The following TBL1Y variants were observed in gnomAD, a reference collection of about 807,000 sequenced individuals.
TBL1Y encodes the protein transducin beta like 1 Y-linked, also known as F-box-like/WD repeat-containing protein TBL1Y.
In TBL1Y, 15 loss-of-function variants were observed where a neutral mutation model predicts 12.0. The ratio of observed to expected loss-of-function variants is 1.25; its 90% CI spans 0.83 to 1.92. The LOEUF (loss-of-function observed/expected upper bound fraction) is 1.92. Among genes scored for constraint, TBL1Y ranks in the 40% most tolerant of loss-of-function variants. The pLI, the probability that TBL1Y is intolerant of heterozygous loss-of-function variation, is 0.00. For synonymous variants in TBL1Y, 53 were observed against 42.6 expected, an observed-to-expected ratio of 1.24 and a Z score of -0.95; for missense variants, 148 against 116.7, an observed-to-expected ratio of 1.27 and a Z score of -1.24.
intron 2 of TBL1Y, among the ~76,000 whole-genome samples, chrY:6,930,837 T>A: frequency 9.1e-5 from 3 of 33,127 alleles, no homozygotes; most frequent in African/African-American, 2.4e-4. Context: ...CAGGTCCCCT[T>A]CCATGCTGTG....
intron 2 of TBL1Y, among the ~76,000 whole-genome samples, chrY:6,937,035 C>T: frequency 3.0e-5 from 1 of 33,058 alleles, no homozygotes; most frequent in Non-Finnish European, 7.4e-5. Flanking sequence ...CCATCTAATT[C>T]TCACACATTT....
intron 6 of TBL1Y, among the ~76,000 whole-genome samples, chrY:7,034,726 C>T (rs957222889): frequency 1.5e-4 from 5 of 33,634 alleles, no homozygotes; most frequent in African/African-American, 4.6e-4. Context: ...AAAATATTCT[C>T]TATTTAATAA....
intron 3 of TBL1Y, among the ~76,000 whole-genome samples, chrY:6,986,671 C>T: frequency 3.4e-5 from 1 of 29,480 alleles, no homozygotes; most frequent in Non-Finnish European, 8.0e-5. Flanking sequence ...TCCTGACGTC[C>T]ATAGGATGGG....
At chrY:6,954,149 C>T (rs2012052164) in intron 2 of TBL1Y, among the ~76,000 whole-genome samples, 2 of 34,052 alleles carry the variant, frequency 5.9e-5, no homozygotes, top group African/African-American at 2.3e-4. Context: ...GCAGTCTGTC[C>T]GTTCTCAGAT....
chrY:7,030,737 T>G, intron 6 of TBL1Y, among the ~76,000 whole-genome samples: 1 of 33,330 alleles, frequency 3.0e-5, no homozygotes, highest in Non-Finnish European at 7.4e-5. Context: ...AGAGACAGGC[T>G]AGATAGATTA....
At chrY:6,919,084 C>T in intron 2 of TBL1Y, 3 of 32,061 alleles carry the variant, frequency 9.4e-5, no homozygotes, top group Non-Finnish European at 1.5e-4. Flanking sequence ...GGGGTTTCAC[C>T]GTGTTGGTCA....
At chrY:7,000,377 G>A (rs781669202) in intron 4 of TBL1Y, among the ~76,000 whole-genome samples, 33 of 33,222 alleles carry the variant, frequency 9.9e-4, no homozygotes, top group African/African-American at 3.6e-3. Context: ...AAGGACAGTC[G>A]AATTCGATCT....
At chrY:6,914,073 AC>A (rs2011716863) in intron 2 of TBL1Y, among the ~76,000 whole-genome samples, 8 of 33,395 alleles carry the variant, frequency 2.4e-4, no homozygotes, top group African/African-American at 4.6e-4. Context: ...GGAGTATGTT[AC>A]TTTGTAGTTA....
At chrY:6,944,813 G>C in intron 2 of TBL1Y, among the ~76,000 whole-genome samples, 1 of 33,452 alleles carries the variant, frequency 3.0e-5, no homozygotes, top group Non-Finnish European at 7.4e-5. Context: ...TGGTTACCTA[G>C]GTTGCTTCCA....
At chrY:6,942,629 G>A (rs1054574472) in intron 2 of TBL1Y, among the ~76,000 whole-genome samples, 11 of 32,780 alleles carry the variant, frequency 3.4e-4, no homozygotes, top group African/African-American at 1.3e-3. Context: ...GGCTTCCAGG[G>A]TAGGGGCGGT....
intron 12 of TBL1Y, among the ~76,000 whole-genome samples, chrY:7,073,523 G>A (rs2013046120): frequency 3.0e-5 from 1 of 33,016 alleles, no homozygotes; most frequent in Admixed American, 2.8e-4. Flanking sequence ...GCACAAGTAT[G>A]ATGAGTTTAT....
chrY:7,010,465 C>T, intron 4 of TBL1Y, among the ~76,000 whole-genome samples: 1 of 34,064 alleles, frequency 2.9e-5, no homozygotes, highest in African/African-American at 1.1e-4. Flanking sequence ...ACATTGTTCA[C>T]TTACACTCTT....
chrY:6,924,364 G>A (rs2011808077), intron 2 of TBL1Y, among the ~76,000 whole-genome samples: 4 of 31,946 alleles, frequency 1.3e-4, no homozygotes, highest in Non-Finnish European at 1.5e-4. Flanking sequence ...TGAGGCGGGC[G>A]GATCACGAGG....
At chrY:7,075,294 A>T (rs2013055066) in intron 13 of TBL1Y, among the ~76,000 whole-genome samples, 1 of 33,645 alleles carries the variant, frequency 3.0e-5, no homozygotes, top group African/African-American at 1.2e-4. Flanking sequence ...CAGGGACTCA[A>T]TGAGCTTCCT....
At position 7,071,746 on chromosome Y, in the gene TBL1Y, C is replaced by G; in HGVS notation, c.810C>G (p.Ser270Arg). The change falls in exon 12 of 19, where the codon AGC (serine) becomes AGG (arginine). Residue 270 changes from serine (S) to arginine (R), a missense_variant. Ser to Arg is a moderately radical substitution (Grantham distance 110). Transcript: ENST00000383032. The stretch of plus-strand genomic sequence containing the variant: ...TTTTACTAACAGGTAACCTGGCCAG[C>G]ACCTTAGGCCAACATAAAGGCCCCA... ...RIWTENGNLA[S>R]TLGQHKGPIF... is the part of the protein sequence containing the mutation. 2.5e-6 allele frequency: 1 copy of G among 395,242 alleles called. No individual in the cohort carries two copies. Among genetic ancestry groups the G allele is most frequent in the Admixed American group, 7.6e-5 (1 of 13,180 alleles).
intron 6 of TBL1Y, among the ~76,000 whole-genome samples, chrY:7,029,925 G>C: frequency 2.9e-5 from 1 of 34,187 alleles, no homozygotes; most frequent in Admixed American, 2.6e-4. Flanking sequence ...CATATTGAAG[G>C]CCTTTTCAGT....
chrY:6,987,803 G>T, intron 3 of TBL1Y, among the ~76,000 whole-genome samples: 2 of 32,996 alleles, frequency 6.1e-5, no homozygotes, highest in Admixed American at 5.6e-4. Flanking sequence ...CTCATGGAAG[G>T]GTGTTTGGGT....
chrY:6,924,395 TG>T (rs2011809385), intron 2 of TBL1Y, among the ~76,000 whole-genome samples: 1 of 31,826 alleles, frequency 3.1e-5, no homozygotes, highest in Non-Finnish European at 7.6e-5. Context: ...GAGACCATCC[TG>T]GCTAACACGG....
chrY:7,003,797 C>T, intron 4 of TBL1Y, among the ~76,000 whole-genome samples: 2 of 33,052 alleles, frequency 6.1e-5, no homozygotes, highest in African/African-American at 2.4e-4. Flanking sequence ...CTGACTCCCC[C>T]TTTTTTAAAA....
Sources: allele counts gnomAD v4.1 joint callset (sites outside exome capture counted in the v4.1 genomes callset), GRCh38; gene constraint gnomAD v4.1.1; transcripts MANE v1.5; gene names NCBI Gene and HGNC (gene_info 2026-07-23, HGNC 2026-07-21).